The following TRIO variants were observed in gnomAD, a reference collection of about 807,000 sequenced individuals.
TRIO encodes the protein triple functional domain protein.
TRIO carries 58 observed loss-of-function variants against 351.9 expected under a neutral mutation model. That is an observed-to-expected ratio of 0.16 (90% CI 0.13 to 0.21). The LOEUF is 0.21. Among genes scored for constraint, TRIO ranks in the 10% least tolerant of loss-of-function variants. The probability of loss-of-function intolerance (pLI) is 1.00; values close to 1 mark genes in which losing one functional copy is unlikely to be tolerated. For missense variants in TRIO, 3,201 were observed against 4,027.8 expected, an observed-to-expected ratio of 0.79 and a Z score of 5.56; for synonymous variants, 1,758 against 1,595.7, an observed-to-expected ratio of 1.10 and a Z score of -2.42.
Position 14,172,596 on chromosome 5 carries a change from CAG to C in TRIO, c.157+28715_157+28716del, listed in dbSNP as rs552147903. On this transcript the variant is annotated intron_variant, in intron 1 of 56. Transcript: ENST00000344204. ...GCAGAAACACATTTGGTCACAATAA[CAG>C]GGGGGATGATATCAAACCGGAGTGT... Among the ~76,000 whole-genome samples, 276 of 152,248 alleles carry C rather than the reference CAG, an allele frequency of 1.8e-3. 1 individual carries two copies. The highest frequency in any genetic ancestry group is 6.2e-3 in the African/African-American group (259 of 41,546).
intron 1 of TRIO, among the ~76,000 whole-genome samples, chr5:14,222,848 C>T (rs956992575): frequency 2.0e-5 from 3 of 152,220 alleles, no homozygotes; most frequent in South Asian, 2.1e-4. Context: ...TGTTAAGGCG[C>T]GGGCTTGGTA....
intron 18 of TRIO, among the ~76,000 whole-genome samples, chr5:14,370,394 G>A (rs1387453837): frequency 6.6e-6 from 1 of 152,090 alleles, no homozygotes; most frequent in Non-Finnish European, 1.5e-5. Flanking sequence ...GTTCTGTGTT[G>A]CATTCTTGGG....
chr5:14,388,779 A>T lies in TRIO; in HGVS notation c.3948+100A>T, dbSNP rs181048315. ...GTTGGTAGTCCTTAGAATAATCACA[A>T]TTTTTTTCTGTCATTTTTTTAAATG... On this transcript the variant is annotated intron_variant, in intron 24 of 56. Coordinates refer to ENST00000344204, the MANE Select transcript of TRIO (RefSeq NM_007118.4). 2,427 of 1,342,960 alleles carry T rather than the reference A, an allele frequency of 1.8e-3. 5 individuals carry two copies. Among genetic ancestry groups the T allele is most frequent in the Admixed American group, 2.8e-3 (117 of 42,200 alleles). 83.2% of individuals were successfully genotyped at this position (1,342,960 alleles called of 1,614,324 possible). A position where few individuals can be genotyped will look rare whatever the true frequency, so the allele number is the denominator to read the frequency against.
At position 14,462,904 on chromosome 5, in the gene TRIO, G is replaced by A. The variant is rs1222498491; in HGVS notation, c.5646G>A (p.Gln1882=). 1 of 1,602,354 alleles carries A rather than the reference G, an allele frequency of 6.2e-7. No individual in the cohort carries two copies. Among genetic ancestry groups the A allele is most frequent in the African/African-American group, 1.3e-5 (1 of 74,602 alleles). The change falls in exon 36 of 57, where the codon CAG becomes CAA. Residue 1882 remains glutamine, a synonymous_variant. Coordinates refer to ENST00000344204, the MANE Select transcript of TRIO (RefSeq NM_007118.4). Reference sequence around the variant, plus strand: ...CCATCCAGCAGCACAGCCTCCTCCAGCCAGACTCACAGGATGACAAGGTAA... The same window carrying A: ...CCATCCAGCAGCACAGCCTCCTCCAACCAGACTCACAGGATGACAAGGTAA... ...PMAIQQHSLL[Q]PDSQDDKASS...
At position 14,419,836 on chromosome 5, in the gene TRIO, A is replaced by G. The variant is rs1196692026; in HGVS notation, c.5018A>G (p.Asn1673Ser). 2.5e-6 allele frequency: 4 copies of G among 1,614,212 alleles called. No individual in the cohort carries two copies. Among genetic ancestry groups the G allele is most frequent in the Middle Eastern group, 1.6e-4 (1 of 6,062 alleles). The change falls in exon 34 of 57, where the codon AAC (asparagine) becomes AGC (serine). Residue 1673 changes from asparagine (N) to serine (S), a missense_variant. Around this residue, in one of 19 missense-constraint regions of TRIO, gnomAD observed 136 missense variants for 229.5 expected, o/e 0.59. Coordinates refer to ENST00000344204, the MANE Select transcript of TRIO (RefSeq NM_007118.4). ...VIHDFTACNS[N>S]ELTIRRGQTV... ...CATGACTTCACCGCTTGCAACAGCAACGAGCTGACCATCCGACGGGGCCAG... is the reference window on the plus strand; with the variant it reads ...CATGACTTCACCGCTTGCAACAGCAGCGAGCTGACCATCCGACGGGGCCAG...
In TRIO at chr5:14,168,959, A is replaced by T. The variant is rs1257786780; in HGVS notation, c.157+25077A>T. 6.6e-5 allele frequency among the ~76,000 whole-genome samples: 10 copies of T among 152,230 alleles called. 1 individual carries two copies. The highest frequency in any genetic ancestry group is 1.5e-4 in the Non-Finnish European group (10 of 68,040). ...TTGGGAAGAGAGCTGTGAAACAGGG[A>T]GGCCTTGCCGACTGTCCTACCTGCA... On this transcript the variant is annotated intron_variant, in intron 1 of 56. Transcript: ENST00000344204.
At chr5:14,261,270 C>T (rs763816130) in intron 1 of TRIO, among the ~76,000 whole-genome samples, 30 of 152,270 alleles carry the variant, frequency 2.0e-4, no homozygotes, top group Middle Eastern at 6.8e-3. Flanking sequence ...GTGTACCCTT[C>T]GTACTCACAG....
chr5:14,341,487 C>G (rs1351264732), intron 11 of TRIO, among the ~76,000 whole-genome samples: 1 of 152,204 alleles, frequency 6.6e-6, no homozygotes, highest in Non-Finnish European at 1.5e-5. Context: ...ACTAACTAGT[C>G]TACCTCCTGG....
chr5:14,264,331 G>A (rs1795524355), intron 1 of TRIO, among the ~76,000 whole-genome samples: 1 of 152,016 alleles, frequency 6.6e-6, no homozygotes, highest in African/African-American at 2.4e-5. Flanking sequence ...GTTATAGGCT[G>A]TTGCTTCTAA....
At chr5:14,419,674 C>T (rs1749951117) in intron 33 of TRIO, 104 bp from the exon 34 acceptor site, 14 of 1,513,374 alleles carry the variant, frequency 9.3e-6, no homozygotes, top group Middle Eastern at 1.9e-4. Context: ...CAGCTCACTC[C>T]GGGGCAGGGT....
At chr5:14,353,491 T>G (rs1345745820) in intron 11 of TRIO, among the ~76,000 whole-genome samples, 1 of 152,090 alleles carries the variant, frequency 6.6e-6, no homozygotes, top group African/African-American at 2.4e-5. Context: ...CTCAAACTCC[T>G]GACCTCAGGT....
intron 55 of TRIO, among the ~76,000 whole-genome samples, chr5:14,506,845 G>A (rs1313814420): frequency 6.6e-6 from 1 of 152,144 alleles, no homozygotes; most frequent in Non-Finnish European, 1.5e-5. Flanking sequence ...GCCGGGCCAC[G>A]CCATCCCCCG....
At chr5:14,364,911 A>T in intron 15 of TRIO, 95 bp downstream of exon 15, 1 of 1,436,930 alleles carries the variant, frequency 7.0e-7, no homozygotes, top group South Asian at 1.4e-5. Context: ...ATTGGGAAGG[A>T]TTGTGCCTGC....
intron 1 of TRIO, among the ~76,000 whole-genome samples, chr5:14,250,053 C>G (rs1399830471): frequency 6.6e-6 from 1 of 152,214 alleles, no homozygotes; most frequent in Non-Finnish European, 1.5e-5. Context: ...ATTGTCTCAT[C>G]TTTTGGAGCA....
chr5:14,148,417 A>C (rs969540925), intron 1 of TRIO, among the ~76,000 whole-genome samples: 1 of 152,214 alleles, frequency 6.6e-6, no homozygotes, highest in Non-Finnish European at 1.5e-5. Flanking sequence ...CGAGAAAATA[A>C]AATTTTATCT....
intron 11 of TRIO, among the ~76,000 whole-genome samples, chr5:14,348,919 G>A (rs576700625): frequency 1.3e-4 from 20 of 149,474 alleles, no homozygotes; most frequent in African/African-American, 4.0e-4. Context: ...GTGTACGCAC[G>A]TGAGCATGTG....
At chr5:14,235,626 C>T (rs1793716199) in intron 1 of TRIO, among the ~76,000 whole-genome samples, 1 of 151,616 alleles carries the variant, frequency 6.6e-6, no homozygotes, top group South Asian at 2.1e-4. Flanking sequence ...TTTGGTTGTT[C>T]TGCTAGGTCT....
At chr5:14,253,914 C>T (rs1242057923) in intron 1 of TRIO, among the ~76,000 whole-genome samples, 1 of 151,846 alleles carries the variant, frequency 6.6e-6, no homozygotes, top group Non-Finnish European at 1.5e-5. Context: ...GATGAGTTCT[C>T]TTAAACCACA....
intron 30 of TRIO, among the ~76,000 whole-genome samples, chr5:14,399,718 C>G (rs1203710495): frequency 2.0e-5 from 3 of 152,220 alleles, no homozygotes; most frequent in Non-Finnish European, 4.4e-5. Flanking sequence ...TTTGTGACCA[C>G]TGGCTAGCCT....
Sources: gnomAD v4.1 joint callset for allele counts (sites outside exome capture counted in the v4.1 genomes callset) on GRCh38, gnomAD v4.1.1 for gene constraint, gnomAD v4.1.1 regional missense constraint, MANE v1.5 for transcripts, NCBI Gene and HGNC (gene_info 2026-07-23, HGNC 2026-07-21) for gene names.